The following SMPD2 variants were observed in gnomAD, a reference collection of about 807,000 sequenced individuals.
SMPD2 encodes the protein N-SMase.
Under a neutral mutation model 41.7 loss-of-function variants are expected in SMPD2, and 35 were observed. The observed-to-expected ratio is 0.84, with a 90% confidence interval of 0.64 to 1.11. The LOEUF is 1.11. Among genes scored for constraint, SMPD2 ranks in the 50% most tolerant of loss-of-function variants. SMPD2 has a pLI of 0.00. For missense variants in SMPD2, 520 were observed against 524.8 expected (o/e 0.99, Z 0.09); for synonymous variants, 201 against 208.2 (o/e 0.97, Z 0.30).
In SMPD2 at chr6:109,443,749, C is replaced by A; in HGVS notation, c.1116C>A (p.Tyr372Ter). 1 of 1,614,024 alleles carries A rather than the reference C, an allele frequency of 6.2e-7. No individual in the cohort carries two copies. Among genetic ancestry groups the A allele is most frequent in the Non-Finnish European group, 8.5e-7 (1 of 1,179,960 alleles). The change falls in exon 10 of 10, where the codon TAC (tyrosine) becomes TAA (stop). Residue 372 changes from tyrosine (Y) to a stop codon, truncating the protein, a stop_gained. Coordinates refer to ENST00000258052, the MANE Select transcript of SMPD2 (RefSeq NM_003080.3). LOFTEE classifies it low-confidence loss of function (END_TRUNC). ...VGLVLWAGAF[Y>*]LFHVQEVNGL... ...TGGTGCTGTGGGCAGGTGCATTCTA[C>A]CTCTTCCACGTACAGGAGGTCAATG...
chr6:109,442,723 C>T, intron 6 of SMPD2, 29 bp from the exon 7 acceptor site: 4 of 1,609,576 alleles, frequency 2.5e-6, no homozygotes, highest in Admixed American at 1.7e-5. Flanking sequence ...GATGGAAGAA[C>T]TCCCGCCTCA....
Position 109,443,918 on chromosome 6 carries a change from T to C in SMPD2, c.*13T>C, listed in dbSNP as rs1283147285. ...TAAAGAACAATAAAGCTTGGCCCTT[T>C]AGTGGCTCTGCCTTTTTCCTTGTAG... On this transcript the variant is annotated 3_prime_UTR_variant, in exon 10 of 10. Transcript: ENST00000258052. 2 of 1,590,068 alleles carry C rather than the reference T, an allele frequency of 1.3e-6. No homozygotes were observed. The highest frequency in any genetic ancestry group is 1.3e-5 in the African/African-American group (1 of 74,276).
At chr6:109,443,212 T>C in intron 8 of SMPD2, 55 bp from the exon 9 acceptor site, 1 of 1,601,990 alleles carries the variant, frequency 6.2e-7, no homozygotes, top group African/African-American at 1.3e-5. Context: ...GGGAGCTGGT[T>C]CTCTGGGAAG....
chr6:109,443,805 A>G lies in SMPD2; in HGVS notation c.1172A>G (p.His391Arg). 1 of 1,614,132 alleles carries G rather than the reference A, an allele frequency of 6.2e-7. No individual in the cohort carries two copies. The highest frequency in any genetic ancestry group is 8.5e-7 in the Non-Finnish European group (1 of 1,180,014). Reference sequence around the variant, plus strand: ...TATAGGGCCCAGGCTGAGCTCCAGCATGTGCTAGGAAGGGCAAGGGAGGCC... The same window carrying G: ...TATAGGGCCCAGGCTGAGCTCCAGCGTGTGCTAGGAAGGGCAAGGGAGGCC... ...GLYRAQAELQ[H>R]VLGRAREAQD... Residue 391 changes from histidine (H) to arginine (R), a missense_variant, in exon 10 of 10, where the codon CAT (histidine) becomes CGT (arginine). Physicochemically the swap from His to Arg is conservative, Grantham distance 29. Coordinates refer to ENST00000258052, the MANE Select transcript of SMPD2 (RefSeq NM_003080.3).
chr6:109,442,321 T>G (rs763789369), intron 5 of SMPD2, 22 bp downstream of exon 5: 6 of 1,604,598 alleles, frequency 3.7e-6, no homozygotes, highest in Non-Finnish European at 5.1e-6. Context: ...TGGCAGTGCC[T>G]AGGGCTGGGA....
Position 109,441,639 on chromosome 6 carries a change from C to T in SMPD2, c.224+11C>T, listed in dbSNP as rs1453715494. ...ACACCACTTCCGGAGGTGAGAAGCC[C>T]ACTGGCCTGAAGCCTGTTGTCATCC... On this transcript the variant is annotated intron_variant, in intron 3 of 9. Transcript: ENST00000258052. The T allele has an allele frequency of 6.2e-7, 1 of 1,613,350 alleles. No individual in the cohort carries two copies. The highest frequency in any genetic ancestry group is 1.3e-5 in the African/African-American group (1 of 74,928).
Position 109,441,020 on chromosome 6 carries a change from G to T in SMPD2, c.-102G>T. The T allele has an allele frequency of 2.4e-6, 3 of 1,226,710 alleles. No individual in the cohort carries two copies. The South Asian group carries it at 3.8e-5, about 16-fold the overall frequency. The allele number at this position is 1,226,710 out of a possible 1,614,324, so 76.0% of individuals were successfully genotyped here. A position where few individuals can be genotyped will look rare whatever the true frequency, so the allele number is the denominator to read the frequency against. On this transcript the variant is annotated 5_prime_UTR_variant, in exon 1 of 10. Coordinates refer to ENST00000258052, the MANE Select transcript of SMPD2 (RefSeq NM_003080.3). The stretch of plus-strand genomic sequence containing the variant: ...CCCACCTGTGCGCGCCGCCTGCGAA[G>T]AAGGAACGGTCTGGGGAGAAGGCGC...
rs776579703 is a variant in SMPD2, at chr6:109,442,200, C to T, written c.319-10C>T. On this transcript the variant is annotated splice_polypyrimidine_tract_variant and intron_variant, in intron 4 of 9. Transcript: ENST00000258052. The stretch of plus-strand genomic sequence containing the variant: ...CGGTGCCCTGAGTTTCTATCTCCTC[C>T]TGCCTGCAGATCCATCATGGTGACT... 3 of 1,613,942 alleles carry T rather than the reference C, an allele frequency of 1.9e-6. No homozygotes were observed. The highest frequency in any genetic ancestry group is 1.7e-6 in the Non-Finnish European group (2 of 1,179,780).
At position 109,442,794 on chromosome 6, in the gene SMPD2, C is replaced by T. The variant is rs1417671539; in HGVS notation, c.534C>T (p.Asp178=). 1.2e-6 allele frequency: 2 copies of T among 1,614,136 alleles called. No homozygotes were observed. Among genetic ancestry groups the T allele is most frequent in the Middle Eastern group, 1.6e-4 (1 of 6,062 alleles). The change falls in exon 7 of 10, where the codon GAC becomes GAT. Residue 178 remains aspartate (D), a synonymous_variant. Coordinates refer to ENST00000258052, the MANE Select transcript of SMPD2 (RefSeq NM_003080.3). ...KKADVVLLCG[D]LNMHPEDLGC... is the part of the protein sequence containing the mutation. ...CAGACGTGGTTCTGTTGTGTGGAGA[C>T]CTCAACATGCACCCAGAAGACCTGG...
chr6:109,441,842 CT>C lies in SMPD2; in HGVS notation c.225-130del, dbSNP rs2115315083. The C allele has an allele frequency of 3.3e-5, 32 of 965,702 alleles. No homozygotes were observed. The South Asian group carries it at 4.1e-4, about 12-fold the overall frequency. 59.8% of individuals were successfully genotyped at this position (965,702 alleles called of 1,614,324 possible). On this transcript the variant is annotated intron_variant, in intron 3 of 9. Transcript: ENST00000258052. ...CCTATACTCCTCCAAAGGCTGTCGCCTTGGTTCTAGGGCTAGTCCCAGCAGT... is the reference window on the plus strand; with the variant it reads ...CCTATACTCCTCCAAAGGCTGTCGCCTGGTTCTAGGGCTAGTCCCAGCAGT...
chr6:109,441,905 CAAGG>C, intron 3 of SMPD2, 65 bp from the exon 4 acceptor site: 3 of 1,376,530 alleles, frequency 2.2e-6, no homozygotes, highest in Non-Finnish European at 3.1e-6. Context: ...AGCTGGAAGA[CAAGG>C]GAGGGGAAGA....
Position 109,441,373 on chromosome 6 carries a change from A to G in SMPD2, c.67A>G (p.Ser23Gly). 3 of 1,613,962 alleles carry G rather than the reference A, an allele frequency of 1.9e-6. No homozygotes were observed. In the South Asian group the frequency reaches 3.3e-5, roughly 18 times the overall value. Residue 23 changes from serine to glycine, a missense_variant, in exon 2 of 10, where the codon AGC (serine) becomes GGC (glycine). Coordinates refer to ENST00000258052, the MANE Select transcript of SMPD2 (RefSeq NM_003080.3). Reference sequence around the variant, plus strand: ...CTTCCTTAGGGGCATTCCGTACTTGAGCAAGCACCGGGCCGACCGCATGAG... The same window carrying G: ...CTTCCTTAGGGGCATTCCGTACTTGGGCAAGCACCGGGCCGACCGCATGAG... ...NLNCWGIPYL[S>G]KHRADRMRRL...
intron 5 of SMPD2, 48 bp from the exon 6 acceptor site, chr6:109,442,495 C>G (rs753397883): frequency 1.3e-6 from 2 of 1,533,464 alleles, no homozygotes; most frequent in Non-Finnish European, 1.8e-6. Flanking sequence ...CAGACATACC[C>G]CTGGGACCCT....
Position 109,440,957 on chromosome 6 carries a change from C to G in SMPD2, c.-165C>G, listed in dbSNP as rs1272299625. 1.6e-6 allele frequency: 1 copy of G among 639,350 alleles called. No homozygotes were observed. The highest frequency in any genetic ancestry group is 2.0e-5 in the South Asian group (1 of 50,670). The allele number at this position is 639,350 out of a possible 1,614,324, so 39.6% of individuals were successfully genotyped here. The stretch of plus-strand genomic sequence containing the variant: ...CAGCCGGCCGGTTGCCGGGGGAACG[C>G]GGGAGTCGGGCCCGACCTGAGCCAC... On this transcript the variant is annotated 5_prime_UTR_variant, in exon 1 of 10. Transcript: ENST00000258052.
In SMPD2 at chr6:109,441,600, AC is replaced by A; in HGVS notation, c.198del (p.Tyr67ThrfsTer40). ...GTACCTGAGACAGAAGCTGTCACCT[AC>A]CTACCCAGCTGCACACCACTTCCGG... ...FQYLRQKLSP[T>X]YPAAHHFRSG... On this transcript the variant is annotated frameshift_variant, in exon 3 of 10. Coordinates refer to ENST00000258052, the MANE Select transcript of SMPD2 (RefSeq NM_003080.3). LOFTEE classifies it high-confidence loss of function. 6.2e-7 allele frequency: 1 copy of A among 1,614,142 alleles called. No individual in the cohort carries two copies. The highest frequency in any genetic ancestry group is 2.2e-5 in the East Asian group (1 of 44,874).
At position 109,441,545 on chromosome 6, in the gene SMPD2, C is replaced by T. The variant is rs767752447; in HGVS notation, c.148-7C>T. On this transcript the variant is annotated splice_polypyrimidine_tract_variant and splice_region_variant and intron_variant, in intron 2 of 9. Transcript: ENST00000258052. ...GACCAAGCAGGCATCCTCACCGCTT[C>T]CCTCAGGTGTGGAGTGAGCAGGACT... 1 of 1,614,080 alleles carries T rather than the reference C, an allele frequency of 6.2e-7. No individual in the cohort carries two copies. The highest frequency in any genetic ancestry group is 8.5e-7 in the Non-Finnish European group (1 of 1,179,884).
At chr6:109,442,433 C>A in intron 5 of SMPD2, 110 bp from the exon 6 acceptor site, 1 of 1,338,582 alleles carries the variant, frequency 7.5e-7, no homozygotes, top group Non-Finnish European at 1.1e-6. Flanking sequence ...ATGGGCAAGG[C>A]TTATCCATTG....
Position 109,441,340 on chromosome 6 carries a change from G to T in SMPD2, c.51-17G>T, listed in dbSNP as rs770242372. ...TCCCAGCAGTCGCCTCCCCTGCCCCGCTCTTCCCTTCCTTAGGGGCATTCC... is the reference window on the plus strand; with the variant it reads ...TCCCAGCAGTCGCCTCCCCTGCCCCTCTCTTCCCTTCCTTAGGGGCATTCC... On this transcript the variant is annotated splice_polypyrimidine_tract_variant and intron_variant, in intron 1 of 9. Coordinates refer to ENST00000258052, the MANE Select transcript of SMPD2 (RefSeq NM_003080.3). 1 of 1,611,200 alleles carries T rather than the reference G, an allele frequency of 6.2e-7. No individual in the cohort carries two copies. Among genetic ancestry groups the T allele is most frequent in the South Asian group, 1.1e-5 (1 of 90,992 alleles).
Position 109,443,812 on chromosome 6 carries a change from A to T in SMPD2, c.1179A>T (p.Leu393=), listed in dbSNP as rs774144962. The part of the protein sequence containing the change: ...YRAQAELQHV[L]GRAREAQDLG... ...CCCAGGCTGAGCTCCAGCATGTGCT[A>T]GGAAGGGCAAGGGAGGCCCAGGATC... The change falls in exon 10 of 10, where the codon CTA becomes CTT. Residue 393 remains leucine, a synonymous_variant. Transcript: ENST00000258052. The T allele has an allele frequency of 6.2e-6, 10 of 1,614,084 alleles. No individual in the cohort carries two copies. Among genetic ancestry groups the T allele is most frequent in the South Asian group, 2.2e-5 (2 of 91,088 alleles).
Sources: allele counts gnomAD v4.1 joint callset, GRCh38; gene constraint gnomAD v4.1.1; transcripts MANE v1.5; gene names NCBI Gene and HGNC (gene_info 2026-07-23, HGNC 2026-07-21).